The following IARS1 variants were observed in gnomAD, a reference collection of about 807,000 sequenced individuals.
IARS1 encodes isoleucyl-tRNA synthetase 1, also known as isoleucine--tRNA ligase, cytoplasmic.
IARS1 carries 124 observed loss-of-function variants against 168.2 expected under a neutral mutation model. The observed-to-expected ratio is 0.74, with a 90% CI of 0.64 to 0.86. The LOEUF (loss-of-function observed/expected upper bound fraction) is 0.86. Among genes scored for constraint, IARS1 ranks in the 40% least tolerant of loss-of-function variants. The probability of loss-of-function intolerance (pLI) is 0.00; values close to 1 mark genes in which losing one functional copy is unlikely to be tolerated. For synonymous variants in IARS1, 532 were observed against 529.4 expected (o/e 1.00, Z -0.07); for missense variants, 1,452 against 1,515.8 (o/e 0.96, Z 0.70).
rs537872985 is a variant in IARS1 at position 92,220,648 on chromosome 9, C to A, written c.3706+1872G>T. Reference sequence around the variant, plus strand: ...ACAAACAAACAAACAAACAAACAAACAAAAAACACGAATAGAATGAAAATG... The same window carrying A: ...ACAAACAAACAAACAAACAAACAAAAAAAAAACACGAATAGAATGAAAATG... On this transcript the variant is annotated intron_variant, in intron 33 of 33. Coordinates refer to ENST00000443024, the MANE Select transcript of IARS1 (RefSeq NM_002161.6). Among the ~76,000 whole-genome samples, 792 of 151,766 alleles carry A rather than the reference C, an allele frequency of 5.2e-3. 6 individuals carry two copies. The highest frequency in any genetic ancestry group is 9.0e-3 in the Non-Finnish European group (608 of 67,902).
At chr9:92,257,906 G>A (rs1319622514) in intron 19 of IARS1, among the ~76,000 whole-genome samples, 4 of 152,196 alleles carry the variant, frequency 2.6e-5, no homozygotes, top group African/African-American at 9.6e-5. Flanking sequence ...TTCAATGAAG[G>A]TGATGGACGC....
intron 30 of IARS1, among the ~76,000 whole-genome samples, chr9:92,230,932 A>C (rs1233077232): frequency 6.6e-6 from 1 of 152,094 alleles, no homozygotes; most frequent in African/African-American, 2.4e-5. Context: ...CCATTTTCTA[A>C]CTGGATTTTT....
intron 31 of IARS1, among the ~76,000 whole-genome samples, chr9:92,227,432 G>T (rs1825891443): frequency 6.8e-6 from 1 of 146,890 alleles, no homozygotes; most frequent in South Asian, 2.2e-4. Context: ...GCCGGGCGGG[G>T]GGCTGACCCC....
chr9:92,252,573 C>A (rs1378155096), intron 21 of IARS1, among the ~76,000 whole-genome samples: 1 of 151,786 alleles, frequency 6.6e-6, no homozygotes, highest in African/African-American at 2.4e-5. Flanking sequence ...TTGAGACCAG[C>A]CTGGCCAACG....
At chr9:92,226,805 T>A (rs1825764306) in intron 31 of IARS1, among the ~76,000 whole-genome samples, 1 of 150,626 alleles carries the variant, frequency 6.6e-6, no homozygotes, top group Non-Finnish European at 1.5e-5. Context: ...CATGGCCACC[T>A]TCTTTTTTTT....
chr9:92,256,184 T>A (rs1830691293), intron 20 of IARS1, among the ~76,000 whole-genome samples: 1 of 136,596 alleles, frequency 7.3e-6, no homozygotes, highest in South Asian at 2.3e-4. Context: ...TCCCCAGGGC[T>A]TTTTTTTTTT....
At chr9:92,228,044 C>G (rs958340478) in intron 31 of IARS1, among the ~76,000 whole-genome samples, 2 of 152,152 alleles carry the variant, frequency 1.3e-5, no homozygotes, top group African/African-American at 4.8e-5. Context: ...AGCCTGGGCA[C>G]CATTGAGCAC....
intron 32 of IARS1, 71 bp downstream of exon 32, chr9:92,223,275 C>T (rs1587707666): frequency 7.2e-7 from 1 of 1,390,920 alleles, no homozygotes; most frequent in East Asian, 2.3e-5. Context: ...GAAATACACA[C>T]ATATTTGAAT....
chr9:92,238,397 ACT>A, intron 30 of IARS1, among the ~76,000 whole-genome samples: 1 of 151,830 alleles, frequency 6.6e-6, no homozygotes, highest in South Asian at 2.1e-4. Flanking sequence ...GTGAGTTCTC[ACT>A]CTGTTCGTTC....
intron 22 of IARS1, 90 bp from the exon 23 acceptor site, chr9:92,250,924 G>T: frequency 7.1e-7 from 1 of 1,400,008 alleles, no homozygotes; most frequent in Non-Finnish European, 9.7e-7. Flanking sequence ...ACATGTTAGA[G>T]AATGACACAG....
At chr9:92,277,677 A>ATT (rs1564185122) in intron 9 of IARS1, among the ~76,000 whole-genome samples, 186 bp downstream of exon 9, 1,506 of 141,152 alleles carry the variant, frequency 0.011, 15 homozygotes, top group African/African-American at 0.026. Flanking sequence ...CTGTTTTTAA[A>ATT]AAAAAAAAAA....
In IARS1 at chr9:92,257,566, G is replaced by A. The variant is rs72750439; in HGVS notation, c.2017-766C>T. The stretch of plus-strand genomic sequence containing the variant: ...ACAGGTGGCAGGCTGCAGAGAGGAG[G>A]AATGCTGGGAGCCTGGGGAAGATGA... On this transcript the variant is annotated intron_variant, in intron 19 of 33. Coordinates refer to ENST00000443024, the MANE Select transcript of IARS1 (RefSeq NM_002161.6). 8.2e-3 allele frequency among the ~76,000 whole-genome samples: 1,247 copies of A among 152,304 alleles called. 9 individuals are homozygous for A. Among genetic ancestry groups the A allele is most frequent in the Non-Finnish European group, 0.015 (998 of 68,032 alleles).
In IARS1 at chr9:92,223,506, C is replaced by G. The variant is rs769662510; in HGVS notation, c.3410-17G>C. 6 of 1,602,616 alleles carry G rather than the reference C, an allele frequency of 3.7e-6. No individual in the cohort carries two copies. The highest frequency in any genetic ancestry group is 1.7e-5 in the Admixed American group (1 of 58,948). On this transcript the variant is annotated splice_polypyrimidine_tract_variant and intron_variant, in intron 31 of 33. Coordinates refer to ENST00000443024, the MANE Select transcript of IARS1 (RefSeq NM_002161.6). ...TTTGTATTTCTAAAAATAACAACAA[C>G]AATTCTTTCAGGGTTAACGAACAAA...
At chr9:92,277,832 G>C in intron 9 of IARS1, 31 bp downstream of exon 9, 1 of 1,587,258 alleles carries the variant, frequency 6.3e-7, no homozygotes, top group Non-Finnish European at 8.6e-7. Flanking sequence ...AGATTGTGGA[G>C]AGCGCCCACA....
intron 33 of IARS1, among the ~76,000 whole-genome samples, chr9:92,215,239 C>T (rs1161436675): frequency 2.6e-5 from 4 of 152,190 alleles, no homozygotes; most frequent in Non-Finnish European, 4.4e-5. Flanking sequence ...AACTAACAAA[C>T]AGAAAGGACA....
At chr9:92,284,960 G>C (rs1835204488) in intron 6 of IARS1, among the ~76,000 whole-genome samples, 1 of 152,052 alleles carries the variant, frequency 6.6e-6, no homozygotes. Context: ...TGCCTTACAA[G>C]GATTTACAAA....
intron 6 of IARS1, among the ~76,000 whole-genome samples, chr9:92,284,322 C>T (rs1587893025): frequency 6.6e-6 from 1 of 152,084 alleles, no homozygotes; most frequent in Non-Finnish European, 1.5e-5. Context: ...AATATGATAT[C>T]TGGAATTTGT....
chr9:92,277,966 A>ATTG, intron 8 of IARS1, 43 bp from the exon 9 acceptor site: 1 of 1,568,812 alleles, frequency 6.4e-7, no homozygotes, highest in Middle Eastern at 1.7e-4. Flanking sequence ...ATTAAAATCA[A>ATTG]ATATGAGGCT....
intron 33 of IARS1, among the ~76,000 whole-genome samples, 180 bp downstream of exon 33, chr9:92,222,340 C>CAAAAAAAAAAAA (rs60335070): frequency 3.6e-5 from 2 of 55,372 alleles, no homozygotes; most frequent in African/African-American, 7.3e-5. Context: ...GACTCAGTCT[C>CAAAAAAAAAAAA]AAAAAAAAAA....
Sources: gnomAD v4.1 joint callset for allele counts (sites outside exome capture counted in the v4.1 genomes callset) on GRCh38, gnomAD v4.1.1 for gene constraint, MANE v1.5 for transcripts, NCBI Gene and HGNC (gene_info 2026-07-23, HGNC 2026-07-21) for gene names.